The following PBX1 variants were observed in gnomAD, a reference collection of about 807,000 sequenced individuals.
PBX1 encodes PBX homeobox 1.
A neutral mutation model predicts 53.4 loss-of-function variants in PBX1; 6 were observed. The observed-to-expected ratio is 0.11, with a 90% CI of 0.06 to 0.22. The LOEUF is 0.22. PBX1 is among the 10% of genes least tolerant of loss of function. PBX1 has a pLI of 1.00. For synonymous variants in PBX1, 204 were observed against 212.3 expected (o/e 0.96, Z 0.34); for missense variants, 251 against 551.4 (o/e 0.46, Z 5.46).
intron 2 of PBX1, among the ~76,000 whole-genome samples, chr1:164,743,017 T>C (rs141806495): frequency 2.0e-5 from 3 of 152,326 alleles, no homozygotes; most frequent in South Asian, 2.1e-4. Flanking sequence ...ATGGGGTCAG[T>C]TCCTGACAAA....
chr1:164,816,676 G>A (rs184534746), intron 6 of PBX1: 1 of 151,992 alleles, frequency 6.6e-6, no homozygotes, highest in Non-Finnish European at 1.5e-5. Flanking sequence ...CCATTGTAGG[G>A]CTAACCAGCC....
At chr1:164,575,570 C>T (rs866735123) in intron 2 of PBX1, among the ~76,000 whole-genome samples, 1 of 152,070 alleles carries the variant, frequency 6.6e-6, no homozygotes, top group African/African-American at 2.4e-5. Flanking sequence ...TTATAATTAC[C>T]ATTGTTAATA....
chr1:164,670,256 T>C (rs575966717), intron 2 of PBX1, among the ~76,000 whole-genome samples: 3 of 152,180 alleles, frequency 2.0e-5, no homozygotes, highest in Non-Finnish European at 4.4e-5. Context: ...GCATCTTTTG[T>C]TTTGATGACT....
rs573862753 is a variant in PBX1, at chr1:164,622,238, G to A, written c.265+58927G>A. ...GGGTTGCCAGGCCTCTGTTCCCAGC[G>A]TTGTCTCTTGTGAAGCTGTTCCAAG... On this transcript the variant is annotated intron_variant, in intron 2 of 8. Coordinates refer to ENST00000420696, the MANE Select transcript of PBX1 (RefSeq NM_002585.4). 1.3e-5 allele frequency among the ~76,000 whole-genome samples: 2 copies of A among 152,272 alleles called. 1 individual carries two copies. The highest frequency in any genetic ancestry group is 4.8e-5 in the African/African-American group (2 of 41,570).
intron 2 of PBX1, among the ~76,000 whole-genome samples, chr1:164,688,536 T>C (rs1662260358): frequency 6.6e-6 from 1 of 152,216 alleles, no homozygotes; most frequent in Non-Finnish European, 1.5e-5. Context: ...CTTTGCAAGA[T>C]GGAAAGTCTG....
At chr1:164,560,847 G>C (rs1652989182) in intron 1 of PBX1, among the ~76,000 whole-genome samples, 1 of 152,032 alleles carries the variant, frequency 6.6e-6, no homozygotes, top group Non-Finnish European at 1.5e-5. Context: ...TTTCCCCCAT[G>C]CTTCTTTCAG....
Position 164,847,415 on chromosome 1 carries a change from G to A in PBX1, c.*739G>A. 1 of 1,064,268 alleles carries A rather than the reference G, an allele frequency of 9.4e-7. No individual in the cohort carries two copies. The allele number at this position is 1,064,268 out of a possible 1,614,324, so 65.9% of individuals were successfully genotyped here. On this transcript the variant is annotated 3_prime_UTR_variant, in exon 9 of 9. Transcript: ENST00000420696. ...GGGAAGGACACGGGAACAGCAGGTG[G>A]AGAATTCCTACAGTCTTTCTTACCC...
chr1:164,660,916 C>T (rs972740172), intron 2 of PBX1, among the ~76,000 whole-genome samples: 1 of 152,196 alleles, frequency 6.6e-6, no homozygotes, highest in Admixed American at 6.5e-5. Flanking sequence ...CACTAAGTTA[C>T]CTACCTTACT....
intron 2 of PBX1, among the ~76,000 whole-genome samples, chr1:164,782,577 G>T (rs1456187894): frequency 6.6e-6 from 1 of 152,228 alleles, no homozygotes; most frequent in Non-Finnish European, 1.5e-5. Context: ...GAATTATTCA[G>T]CAATTTTCAA....
chr1:164,584,988 GA>G (rs1654860582), intron 2 of PBX1, among the ~76,000 whole-genome samples: 1 of 152,012 alleles, frequency 6.6e-6, no homozygotes, highest in African/African-American at 2.4e-5. Context: ...ACTAGAAAAG[GA>G]CTCTTCCATC....
intron 2 of PBX1, chr1:164,703,407 AGT>A (rs1663246565): frequency 6.6e-6 from 1 of 152,158 alleles, no homozygotes; most frequent in African/African-American, 2.4e-5. Context: ...TAGCATTGTG[AGT>A]GAGAGGAGAA....
intron 4 of PBX1, among the ~76,000 whole-genome samples, chr1:164,802,071 C>T (rs906949725): frequency 6.6e-6 from 1 of 152,148 alleles, no homozygotes; most frequent in Non-Finnish European, 1.5e-5. Context: ...TCATGGAAGA[C>T]AAATAAAATA....
chr1:164,791,025 C>T (rs1039304375), intron 2 of PBX1, among the ~76,000 whole-genome samples: 3 of 152,182 alleles, frequency 2.0e-5, no homozygotes, highest in South Asian at 2.1e-4. Flanking sequence ...CCTGCCACCT[C>T]CATCCCCAAA....
At chr1:164,612,911 TC>T (rs1469328188) in intron 2 of PBX1, among the ~76,000 whole-genome samples, 1 of 152,196 alleles carries the variant, frequency 6.6e-6, no homozygotes, top group Non-Finnish European at 1.5e-5. Context: ...GAACTCTGCC[TC>T]AGTTCTTAAT....
chr1:164,564,731 A>C (rs1374711162), intron 2 of PBX1, among the ~76,000 whole-genome samples: 1 of 152,240 alleles, frequency 6.6e-6, no homozygotes, highest in African/African-American at 2.4e-5. Flanking sequence ...TGTGCATTCA[A>C]ATATCAAAAG....
downstream of PBX1, among the ~76,000 whole-genome samples, chr1:164,852,893 G>A (rs997742032): frequency 1.8e-4 from 28 of 152,238 alleles, no homozygotes; most frequent in Non-Finnish European, 2.2e-4. Flanking sequence ...ATATACTTAC[G>A]GGAGCAAGCA....
chr1:164,874,774 G>A (rs979457698), intron 2 of PBX1, among the ~76,000 whole-genome samples: 6 of 152,168 alleles, frequency 3.9e-5, no homozygotes, highest in African/African-American at 7.2e-5. Context: ...GATTACAGGC[G>A]TGAGCCACTG....
At chr1:164,711,308 T>G (rs558030201) in intron 2 of PBX1, among the ~76,000 whole-genome samples, 25 of 152,260 alleles carry the variant, frequency 1.6e-4, no homozygotes, top group African/African-American at 2.6e-4. Flanking sequence ...CTGTCGCCCA[T>G]GCTGGAGTGC....
intron 2 of PBX1, among the ~76,000 whole-genome samples, chr1:164,692,079 C>T (rs34119262): frequency 2.0e-5 from 3 of 152,142 alleles, no homozygotes; most frequent in Admixed American, 6.5e-5. Context: ...ATCCCAAATT[C>T]GAAACACTTC....
Sources: gnomAD v4.1 joint callset for allele counts (sites outside exome capture counted in the v4.1 genomes callset) on GRCh38, gnomAD v4.1.1 for gene constraint, MANE v1.5 for transcripts, NCBI Gene and HGNC (gene_info 2026-07-23, HGNC 2026-07-21) for gene names.